CCPG1: variants seen among roughly 807,000 people sequenced by gnomAD.
CCPG1 encodes cell cycle progression 1.
Under a neutral mutation model 81.3 loss-of-function variants are expected in CCPG1, and 46 were observed. The ratio of observed to expected loss-of-function variants is 0.57; its 90% confidence interval spans 0.45 to 0.72. CCPG1 has a LOEUF of 0.72. Among genes scored for constraint, CCPG1 ranks in the 30% least tolerant of loss-of-function variants. The probability of loss-of-function intolerance (pLI) is 0.00; values close to 1 mark genes in which losing one functional copy is unlikely to be tolerated. For missense variants in CCPG1, 902 were observed against 937.6 expected (o/e 0.96, Z 0.50); for synonymous variants, 330 against 305.2 (o/e 1.08, Z -0.85).
rs2056176743 is a variant in CCPG1 at position 55,360,799 on chromosome 15, T to A, written c.974A>T (p.Gln325Leu). 6.2e-7 allele frequency: 1 copy of A among 1,612,906 alleles called. No individual in the cohort carries two copies. Residue 325 changes from glutamine to leucine, a missense_variant, in exon 8 of 9, where the codon CAG (glutamine) becomes CTG (leucine). Physicochemically the swap from Gln to Leu is moderately radical, Grantham distance 113. Around this residue, in one of 3 missense-constraint regions of CCPG1, gnomAD observed 746 missense variants for 728.6 expected, o/e 1.02. Transcript: ENST00000442196. ...TTCTCTTAGTTTGTTTAACTCTTCC[T>A]GTAATGAGGATAAGGCTTTTTCTTC... ...EKEEKALSSL[Q>L]EELNKLREQI...
chr15:55,362,987 C>T lies in CCPG1; in HGVS notation c.829-2043G>A, dbSNP rs576443978. The stretch of plus-strand genomic sequence containing the variant: ...GCCCAGAAGTTAAGGCAGCAGTGAG[C>T]CATGATCACACCACTGCACTCCAGC... On this transcript the variant is annotated intron_variant, in intron 7 of 8. Transcript: ENST00000442196. 1.9e-4 allele frequency among the ~76,000 whole-genome samples: 29 copies of T among 152,146 alleles called. No individual in the cohort carries two copies. The South Asian group carries it at 5.8e-3, about 30-fold the overall frequency.
At chr15:55,376,911 C>T (rs959327480) in intron 5 of CCPG1, 38 bp downstream of exon 5, 10 of 1,452,104 alleles carry the variant, frequency 6.9e-6, no homozygotes, top group African/African-American at 5.6e-5. Flanking sequence ...AAAATGTGGT[C>T]GTACATGTCT....
chr15:55,367,154 C>A (rs938849901), intron 6 of CCPG1, among the ~76,000 whole-genome samples: 1 of 152,136 alleles, frequency 6.6e-6, no homozygotes, highest in Non-Finnish European at 1.5e-5. Flanking sequence ...TATAGAAGCA[C>A]GGCAAGCTTG....
At chr15:55,384,862 G>GACA in intron 3 of CCPG1, among the ~76,000 whole-genome samples, 1 of 152,256 alleles carries the variant, frequency 6.6e-6, no homozygotes, top group South Asian at 2.1e-4. Flanking sequence ...AGGCATGTCT[G>GACA]TAACTCCATC....
chr15:55,375,640 A>G (rs1566972838), intron 5 of CCPG1, among the ~76,000 whole-genome samples: 1 of 152,032 alleles, frequency 6.6e-6, no homozygotes, highest in Admixed American at 6.5e-5. Flanking sequence ...CCACTGATAT[A>G]CTAACTGAAA....
chr15:55,385,743 T>G (rs758915400), intron 2 of CCPG1, 29 bp from the exon 3 acceptor site: 7 of 1,243,452 alleles, frequency 5.6e-6, no homozygotes, highest in Non-Finnish European at 8.3e-6. Context: ...CTTTCAGTTA[T>G]TTGCCTATTA....
intron 1 of CCPG1, among the ~76,000 whole-genome samples, chr15:55,406,444 TTTTTTG>T (rs1045248276): frequency 2.3e-5 from 3 of 132,620 alleles, no homozygotes; most frequent in Non-Finnish European, 3.4e-5. Flanking sequence ...CTCTTTTTTT[TTTTTTG>T]TTTTTTTTTT....
intron 6 of CCPG1, among the ~76,000 whole-genome samples, chr15:55,369,165 CT>C (rs2056395266): frequency 6.6e-6 from 1 of 151,288 alleles, no homozygotes; most frequent in South Asian, 2.1e-4. Context: ...CAATGACCGA[CT>C]TTACGGTGAA....
chr15:55,370,348 A>T (rs2056420979), intron 6 of CCPG1, among the ~76,000 whole-genome samples: 1 of 152,254 alleles, frequency 6.6e-6, no homozygotes, highest in Non-Finnish European at 1.5e-5. Context: ...ATCTAAAAGT[A>T]GTTAATGTAA....
intron 1 of CCPG1, among the ~76,000 whole-genome samples, chr15:55,400,140 G>A (rs2057099542): frequency 6.8e-6 from 1 of 147,390 alleles, no homozygotes; most frequent in South Asian, 2.2e-4. Flanking sequence ...AACCCAGGAA[G>A]TGGAGGTTGC....
intron 5 of CCPG1, chr15:55,374,317 GAATT>G (rs1014886092): frequency 2.5e-6 from 2 of 801,696 alleles, no homozygotes; most frequent in African/African-American, 3.6e-5. Context: ...AGAAAAAAAA[GAATT>G]AAAAATACTT....
intron 1 of CCPG1, among the ~76,000 whole-genome samples, chr15:55,407,531 G>A (rs2057260248): frequency 2.0e-5 from 3 of 152,170 alleles, no homozygotes. Context: ...GCAGAACAGT[G>A]CAAACTTCAC....
chr15:55,357,142 A>G, intron 8 of CCPG1: 1 of 972,238 alleles, frequency 1.0e-6, no homozygotes, highest in South Asian at 4.8e-5. Context: ...AACCCTCTCC[A>G]CTTGAATGTC....
intron 3 of CCPG1, among the ~76,000 whole-genome samples, chr15:55,379,287 C>T (rs1181525576): frequency 6.6e-6 from 1 of 151,590 alleles, no homozygotes; most frequent in Non-Finnish European, 1.5e-5. Flanking sequence ...TTTTGGGAGG[C>T]CAAGGCTGGA....
chr15:55,372,891 T>C (rs8041885), intron 5 of CCPG1: 62,405 of 519,108 alleles, frequency 0.12, 6,639 homozygotes, highest in African/African-American at 0.42. Flanking sequence ...AATTAGCCCA[T>C]GATCAAGGTT....
intron 3 of CCPG1, among the ~76,000 whole-genome samples, chr15:55,379,832 C>T (rs781519331): frequency 1.8e-4 from 27 of 152,240 alleles, no homozygotes; most frequent in Non-Finnish European, 3.7e-4. Context: ...GGCACAGTGG[C>T]TCAAACCTGT....
chr15:55,407,554 T>C (rs1255291279), intron 1 of CCPG1, among the ~76,000 whole-genome samples: 1 of 152,130 alleles, frequency 6.6e-6, no homozygotes, highest in African/African-American at 2.4e-5. Flanking sequence ...CTCAATAAAA[T>C]ACCTTACTTG....
rs1479406869 is a variant in CCPG1 at position 55,377,021 on chromosome 15, C to T, written c.382G>A (p.Ala128Thr). Residue 128 changes from alanine (A) to threonine (T), a missense_variant, in exon 5 of 9, where the codon GCA becomes ACA. Transcript: ENST00000442196. ...ATGTTAAAGTCTTCTGAACTCTGTG[C>T]TTCTTCAACAATGACAACTTCTTGA... ...GNQEVVIVEEAQSSEDFNMGS... is the reference protein window; with the variant it reads ...GNQEVVIVEETQSSEDFNMGS... 1 of 1,613,880 alleles carries T rather than the reference C, an allele frequency of 6.2e-7. No homozygotes were observed. The highest frequency in any genetic ancestry group is 1.3e-5 in the African/African-American group (1 of 75,040).
chr15:55,374,510 A>G (rs1488815920), intron 5 of CCPG1, among the ~76,000 whole-genome samples: 4 of 152,324 alleles, frequency 2.6e-5, no homozygotes, highest in Admixed American at 6.5e-5. Context: ...CCACAAGAAT[A>G]TAAGTCAGGA....
Sources: allele counts gnomAD v4.1 joint callset (sites outside exome capture counted in the v4.1 genomes callset), GRCh38; gene constraint gnomAD v4.1.1; regional missense constraint gnomAD v4.1.1; transcripts MANE v1.5; gene names NCBI Gene and HGNC (gene_info 2026-07-23, HGNC 2026-07-21).